Variants in KCNIP4 observed in about 807,000 individuals in gnomAD.
The protein encoded by KCNIP4 is Kv channel-interacting protein 4.
A neutral mutation model predicts 34.0 loss-of-function variants in KCNIP4; 12 were observed. The ratio of observed to expected loss-of-function variants is 0.35; its 90% CI spans 0.23 to 0.57. The LOEUF (loss-of-function observed/expected upper bound fraction) is 0.57. KCNIP4 is among the 20% of genes least tolerant of loss of function. The probability of loss-of-function intolerance (pLI) is 0.83; values close to 1 mark genes in which losing one functional copy is unlikely to be tolerated. For synonymous variants in KCNIP4, 124 were observed against 102.2 expected, an observed-to-expected ratio of 1.21 and a Z score of -1.29; for missense variants, 238 against 311.7, an observed-to-expected ratio of 0.76 and a Z score of 1.78.
At chr4:21,208,666 G>A (rs908578116) in intron 1 of KCNIP4, among the ~76,000 whole-genome samples, 5 of 151,710 alleles carry the variant, frequency 3.3e-5, no homozygotes, top group African/African-American at 7.3e-5. Context: ...TGCAATTACC[G>A]TGCCTATTGA....
chr4:21,578,064 G>A (rs896271866), intron 1 of KCNIP4, among the ~76,000 whole-genome samples: 1 of 151,336 alleles, frequency 6.6e-6, no homozygotes, highest in Non-Finnish European at 1.5e-5. Context: ...GGCCGGGCGC[G>A]GTGGCTCACG....
At chr4:20,867,384 G>A (rs754543793) in intron 2 of KCNIP4, among the ~76,000 whole-genome samples, 7 of 151,782 alleles carry the variant, frequency 4.6e-5, no homozygotes, top group Admixed American at 2.0e-4. Context: ...GCCTACCACC[G>A]TCTGATCTTT....
intron 1 of KCNIP4, among the ~76,000 whole-genome samples, chr4:21,258,800 T>C (rs531344731): frequency 6.6e-6 from 1 of 152,256 alleles, no homozygotes; most frequent in East Asian, 1.9e-4. Flanking sequence ...ATCGTACCCA[T>C]GATAATAATG....
chr4:20,794,751 C>A (rs1373034118), intron 3 of KCNIP4, among the ~76,000 whole-genome samples: 1 of 152,134 alleles, frequency 6.6e-6, no homozygotes, highest in Non-Finnish European at 1.5e-5. Flanking sequence ...TAAGCTGCAC[C>A]TGTATTCATG....
At chr4:21,241,898 C>T (rs1395247076) in intron 1 of KCNIP4, among the ~76,000 whole-genome samples, 2 of 152,028 alleles carry the variant, frequency 1.3e-5, no homozygotes, top group African/African-American at 4.8e-5. Context: ...GGCGTGGTGG[C>T]TCACGCCTGT....
At chr4:21,703,794 A>C (rs111915922) in intron 1 of KCNIP4, among the ~76,000 whole-genome samples, 2,305 of 152,312 alleles carry the variant, frequency 0.015, 67 homozygotes, top group African/African-American at 0.052. Context: ...TGCAACTGCA[A>C]GCAAAATTAC....
At chr4:21,413,085 T>A (rs781725153) in intron 1 of KCNIP4, among the ~76,000 whole-genome samples, 19 of 152,302 alleles carry the variant, frequency 1.2e-4, no homozygotes, top group African/African-American at 4.1e-4. Context: ...CTCGCTACAA[T>A]AACTGGTTAC....
At chr4:21,584,867 T>C (rs1741494368) in intron 1 of KCNIP4, among the ~76,000 whole-genome samples, 1 of 152,080 alleles carries the variant, frequency 6.6e-6, no homozygotes, top group South Asian at 2.1e-4. Context: ...TTGAAAACGT[T>C]TGAGCTTTGT....
At chr4:21,365,732 C>T (rs141573597) in intron 1 of KCNIP4, among the ~76,000 whole-genome samples, 80 of 152,192 alleles carry the variant, frequency 5.3e-4, no homozygotes, top group African/African-American at 1.8e-3. Context: ...TTATCTACAA[C>T]ACCTTCAGAA....
intron 1 of KCNIP4, among the ~76,000 whole-genome samples, chr4:20,922,246 T>C (rs577700719): frequency 8.9e-4 from 135 of 152,306 alleles, no homozygotes; most frequent in African/African-American, 3.2e-3. Flanking sequence ...GAGATTAGTA[T>C]TTCTATCAGT....
chr4:20,979,736 A>AC (rs1735886992), intron 1 of KCNIP4, among the ~76,000 whole-genome samples: 1 of 151,612 alleles, frequency 6.6e-6, no homozygotes, highest in African/African-American at 2.4e-5. Flanking sequence ...ATCTTCACCT[A>AC]CCCCCAGGTT....
At chr4:21,344,603 A>G (rs73249552) in intron 1 of KCNIP4, among the ~76,000 whole-genome samples, 14,793 of 152,212 alleles carry the variant, frequency 0.097, 818 homozygotes, top group Middle Eastern at 0.13. Flanking sequence ...GATGCAAGAA[A>G]AAGAAAAGAT....
At position 21,289,924 on chromosome 4, in the gene KCNIP4, T is replaced by A. The variant is rs151139712; in HGVS notation, c.62-407215A>T. ...GTCACATACACATTCCAATTTTCCC[T>A]TGCAGAGGAAATGAAGCAAAACACA... On this transcript the variant is annotated intron_variant, in intron 1 of 8. Coordinates refer to ENST00000382152, the MANE Select transcript of KCNIP4 (RefSeq NM_025221.6). Among the ~76,000 whole-genome samples, 620 of 152,252 alleles carry A rather than the reference T, an allele frequency of 4.1e-3. 4 individuals carry two copies. The highest frequency in any genetic ancestry group is 0.01 in the Admixed American group (156 of 15,278).
intron 1 of KCNIP4, among the ~76,000 whole-genome samples, chr4:21,499,085 C>T (rs1335648401): frequency 6.6e-6 from 1 of 152,074 alleles, no homozygotes; most frequent in Non-Finnish European, 1.5e-5. Flanking sequence ...GTAATCCCAA[C>T]ACTTTGGGAG....
At chr4:21,865,583 G>C (rs187426429) in intron 1 of KCNIP4, among the ~76,000 whole-genome samples, 123 of 151,946 alleles carry the variant, frequency 8.1e-4, no homozygotes, top group African/African-American at 2.8e-3. Flanking sequence ...CGCTCTTGTT[G>C]CCCAGGCTGG....
intron 1 of KCNIP4, among the ~76,000 whole-genome samples, chr4:21,234,175 C>CATATATTACGTATATT (rs1301877667): frequency 9.5e-6 from 1 of 104,762 alleles, no homozygotes; most frequent in Non-Finnish European, 1.6e-5. Context: ...TTATATATAA[C>CATATATTACGTATATT]ATATATAACG....
chr4:21,355,707 C>T (rs190454936), intron 1 of KCNIP4, among the ~76,000 whole-genome samples: 40 of 152,162 alleles, frequency 2.6e-4, no homozygotes, highest in Admixed American at 1.5e-3. Context: ...GATTCACAGC[C>T]GAAATCTACC....
At chr4:21,426,795 A>AT (rs796442968) in intron 1 of KCNIP4, among the ~76,000 whole-genome samples, 33 of 152,086 alleles carry the variant, frequency 2.2e-4, no homozygotes, top group African/African-American at 7.7e-4. Context: ...AAGGCTTTTA[A>AT]TTTTTTCTCC....
intron 1 of KCNIP4, among the ~76,000 whole-genome samples, chr4:21,249,171 C>T (rs996757026): frequency 4.0e-5 from 6 of 151,876 alleles, no homozygotes; most frequent in Non-Finnish European, 2.9e-5. Context: ...CTCTGGGGAC[C>T]AATTATTACA....
Sources: gnomAD v4.1 joint callset for allele counts (sites outside exome capture counted in the v4.1 genomes callset) on GRCh38, gnomAD v4.1.1 for gene constraint, MANE v1.5 for transcripts, NCBI Gene and HGNC (gene_info 2026-07-23, HGNC 2026-07-21) for gene names.